PRKG1: variants seen among roughly 807,000 people sequenced by gnomAD.
PRKG1 encodes the protein cGMP-dependent protein kinase 1.
Under a neutral mutation model 88.1 loss-of-function variants are expected in PRKG1, and 35 were observed. The observed-to-expected ratio is 0.40, with a 90% CI of 0.30 to 0.53. The LOEUF (loss-of-function observed/expected upper bound fraction) is 0.53, where lower values mean the gene tolerates loss of function less well. PRKG1 is among the 20% of genes least tolerant of loss of function. The pLI is 0.59. For synonymous variants in PRKG1, 303 were observed against 292.5 expected (o/e 1.04, Z -0.37); for missense variants, 540 against 839.8 (o/e 0.64, Z 4.41).
At chr10:52,089,744 G>A (rs889691099) in intron 7 of PRKG1, among the ~76,000 whole-genome samples, 1 of 150,010 alleles carries the variant, frequency 6.7e-6, no homozygotes, top group African/African-American at 2.5e-5. Context: ...CCTAGAAGCA[G>A]TGACACCCTC....
intron 1 of PRKG1, among the ~76,000 whole-genome samples, chr10:51,089,668 A>G (rs548946974): frequency 1.7e-4 from 26 of 152,222 alleles, no homozygotes; most frequent in Non-Finnish European, 3.2e-4. Flanking sequence ...CTATTTACCA[A>G]TGCAACTATA....
At chr10:51,997,483 A>G (rs936172117) in intron 5 of PRKG1, among the ~76,000 whole-genome samples, 16 of 151,770 alleles carry the variant, frequency 1.1e-4, no homozygotes, top group African/African-American at 3.1e-4. Flanking sequence ...AAAAAAAAAA[A>G]AAAGAAAGAA....
chr10:51,802,875 A>G lies in PRKG1; in HGVS notation c.593-1710A>G, dbSNP rs141056083. Among the ~76,000 whole-genome samples the G allele has an allele frequency of 3.9e-4, 59 of 152,262 alleles. No homozygotes were observed. In the East Asian group the frequency reaches 0.011, roughly 29 times the overall value. On this transcript the variant is annotated intron_variant, in intron 3 of 17. Transcript: ENST00000373980. ...GCTTGGCCACAATAAATACGTGTGC[A>G]TGTGCATGCACTACCCCCAAACCGT... is the stretch of plus-strand genomic sequence containing the variant.
intron 5 of PRKG1, among the ~76,000 whole-genome samples, chr10:52,026,724 C>T (rs1321144795): frequency 6.6e-6 from 1 of 152,200 alleles, no homozygotes; most frequent in Non-Finnish European, 1.5e-5. Flanking sequence ...CGCCTGTAAT[C>T]CCAACACTTT....
intron 7 of PRKG1, among the ~76,000 whole-genome samples, chr10:52,132,736 G>A (rs903869395): frequency 5.3e-5 from 8 of 151,704 alleles, no homozygotes; most frequent in South Asian, 2.1e-4. Context: ...ATTGTTTTTG[G>A]AAAAAGTAAA....
At chr10:51,135,829 AG>A (rs1163159740) in intron 1 of PRKG1, among the ~76,000 whole-genome samples, 1 of 151,882 alleles carries the variant, frequency 6.6e-6, no homozygotes, top group African/African-American at 2.4e-5. Context: ...ATATTGGGGG[AG>A]CAGTTTGTAA....
intron 2 of PRKG1, among the ~76,000 whole-genome samples, chr10:51,202,514 G>A (rs1349299480): frequency 1.3e-5 from 2 of 152,038 alleles, no homozygotes; most frequent in African/African-American, 4.8e-5. Flanking sequence ...TTTGCCTCAA[G>A]AAAACCCCAT....
intron 2 of PRKG1, among the ~76,000 whole-genome samples, chr10:51,327,971 T>C (rs1841635294): frequency 6.6e-6 from 1 of 152,184 alleles, no homozygotes; most frequent in African/African-American, 2.4e-5. Context: ...TAGTTACCAT[T>C]TTTGTGGTGA....
At chr10:51,688,866 A>G (rs901171461) in intron 3 of PRKG1, among the ~76,000 whole-genome samples, 1 of 152,082 alleles carries the variant, frequency 6.6e-6, no homozygotes, top group Non-Finnish European at 1.5e-5. Context: ...CTGTGTCCCC[A>G]CTCAAATCTC....
At chr10:52,049,433 G>T (rs1845936452) in intron 5 of PRKG1, among the ~76,000 whole-genome samples, 1 of 152,108 alleles carries the variant, frequency 6.6e-6, no homozygotes, top group Admixed American at 6.6e-5. Flanking sequence ...GTGAATAGGG[G>T]TCAGAATACA....
At chr10:51,668,163 G>C (rs1840468975) in intron 3 of PRKG1, among the ~76,000 whole-genome samples, 2 of 152,154 alleles carry the variant, frequency 1.3e-5, no homozygotes, top group Non-Finnish European at 2.9e-5. Flanking sequence ...TTTCAACTCA[G>C]AGTCAAATTT....
chr10:51,929,345 CCTTTTTT>C (rs1358313669), intron 5 of PRKG1, among the ~76,000 whole-genome samples: 1 of 134,950 alleles, frequency 7.4e-6, no homozygotes, highest in African/African-American at 2.7e-5. Context: ...TGAATTCCTT[CCTTTTTT>C]TTTTTTTTTT....
chr10:51,141,581 A>G (rs888611149), intron 1 of PRKG1, among the ~76,000 whole-genome samples: 8 of 152,228 alleles, frequency 5.3e-5, no homozygotes, highest in Non-Finnish European at 1.0e-4. Flanking sequence ...TGTTGGAAAT[A>G]TAATAAATAT....
intron 3 of PRKG1, among the ~76,000 whole-genome samples, chr10:51,717,400 G>T (rs113359437): frequency 0.027 from 4,060 of 152,220 alleles, 196 homozygotes; most frequent in African/African-American, 0.091. Context: ...GAGCCAAGAG[G>T]GCAGCTAATT....
At chr10:51,964,726 T>C (rs1256722640) in intron 5 of PRKG1, among the ~76,000 whole-genome samples, 1 of 152,154 alleles carries the variant, frequency 6.6e-6, no homozygotes, top group East Asian at 1.9e-4. Flanking sequence ...ACCTTTATGA[T>C]AGAACTGACA....
chr10:51,171,791 T>C (rs963030664), intron 2 of PRKG1, among the ~76,000 whole-genome samples: 3 of 152,074 alleles, frequency 2.0e-5, no homozygotes, highest in African/African-American at 7.2e-5. Flanking sequence ...TCAGGAACTA[T>C]TATGTTCTCT....
intron 6 of PRKG1, 119 bp from the exon 7 acceptor site, chr10:52,062,418 G>A: frequency 1.7e-6 from 1 of 587,584 alleles, no homozygotes; most frequent in Non-Finnish European, 2.7e-6. Context: ...TAATTTAAAT[G>A]CTTTTTCTTT....
intron 2 of PRKG1, among the ~76,000 whole-genome samples, chr10:51,256,925 G>C (rs565612336): frequency 6.6e-6 from 1 of 152,056 alleles, no homozygotes; most frequent in Admixed American, 6.6e-5. Context: ...ACCATGTGTA[G>C]AATGGGATGT....
chr10:51,917,228 AGAATTGCTT>A (rs1210573634), intron 5 of PRKG1, among the ~76,000 whole-genome samples: 2 of 151,616 alleles, frequency 1.3e-5, no homozygotes, highest in Admixed American at 6.6e-5. Flanking sequence ...CTGAGGGAAG[AGAATTGCTT>A]GAACCTGGGA....
Sources: allele counts gnomAD v4.1 joint callset (sites outside exome capture counted in the v4.1 genomes callset), GRCh38; gene constraint gnomAD v4.1.1; transcripts MANE v1.5; gene names NCBI Gene and HGNC (gene_info 2026-07-23, HGNC 2026-07-21).